Variants in RALYL observed in about 807,000 individuals in gnomAD.
RALYL encodes the protein RALY RNA binding protein like.
Under a neutral mutation model 35.1 loss-of-function variants are expected in RALYL, and 29 were observed. The ratio of observed to expected loss-of-function variants is 0.83; its 90% CI spans 0.61 to 1.13. The LOEUF (loss-of-function observed/expected upper bound fraction) is 1.13. Ranked by LOEUF, RALYL falls within the 50% of genes most tolerant of loss-of-function variation. RALYL has a pLI of 0.00. For synonymous variants in RALYL, 120 were observed against 127.6 expected (o/e 0.94, Z 0.40); for missense variants, 359 against 360.4 (o/e 1.00, Z 0.03).
intron 2 of RALYL, among the ~76,000 whole-genome samples, chr8:84,539,790 C>A (rs1404618043): frequency 1.4e-5 from 2 of 146,460 alleles, no homozygotes; most frequent in African/African-American, 5.0e-5. Flanking sequence ...TTTTTAACTG[C>A]CCTGAAATGT....
At chr8:84,209,846 T>G (rs1419735716) in intron 1 of RALYL, among the ~76,000 whole-genome samples, 1 of 152,194 alleles carries the variant, frequency 6.6e-6, no homozygotes, top group Non-Finnish European at 1.5e-5. Context: ...CATGTGTGGG[T>G]GTGTTCCAAT....
At chr8:84,407,373 A>G (rs1393327450) in intron 1 of RALYL, among the ~76,000 whole-genome samples, 1 of 152,174 alleles carries the variant, frequency 6.6e-6, no homozygotes, top group Non-Finnish European at 1.5e-5. Flanking sequence ...ATTTTGAAAA[A>G]ACTTTTCATT....
At chr8:84,360,463 C>T (rs1852754083) in intron 1 of RALYL, among the ~76,000 whole-genome samples, 1 of 152,134 alleles carries the variant, frequency 6.6e-6, no homozygotes, top group Non-Finnish European at 1.5e-5. Flanking sequence ...GTGAGAAAGA[C>T]ACTGAAAAGT....
chr8:84,372,886 GTTTTTTTTTTTT>G (rs76885544), intron 1 of RALYL, among the ~76,000 whole-genome samples: 446 of 39,088 alleles, frequency 0.011, 6 homozygotes, highest in Admixed American at 0.03. Flanking sequence ...GCCAGCATCT[GTTTTTTTTTTTT>G]TTTTTTTTTT....
In RALYL at chr8:84,185,214, A is replaced by C. The variant is rs1287782582; in HGVS notation, c.-24+790A>C. The C allele has an allele frequency of 7.8e-6, 5 of 640,330 alleles. No individual in the cohort carries two copies. The East Asian group carries it at 1.4e-4, about 18-fold the overall frequency. 39.7% of individuals were successfully genotyped at this position (640,330 alleles called of 1,614,324 possible). A position where few individuals can be genotyped will look rare whatever the true frequency, so the allele number is the denominator to read the frequency against. On this transcript the variant is annotated intron_variant, in intron 1 of 8. Transcript: ENST00000521268. The stretch of plus-strand genomic sequence containing the variant: ...GAGGACGACGCTGTTAGTTTGCAGT[A>C]ATGACCCTACACCTCTAAGGTATTA...
In RALYL at chr8:84,277,819, G is replaced by A. The variant is rs1183379571; in HGVS notation, c.-24+93395G>A. ...ACATCTAGGGCATGCTGATGCAAGA[G>A]GTGCATTCCCACAGCATTGGGCAGC... On this transcript the variant is annotated intron_variant, in intron 1 of 8. Transcript: ENST00000521268. Among the ~76,000 whole-genome samples the A allele has an allele frequency of 2.0e-5, 3 of 152,220 alleles. 1 individual carries two copies. In the South Asian group the frequency reaches 6.2e-4, roughly 31 times the overall value.
chr8:84,462,256 C>G (rs1013476466), intron 1 of RALYL, among the ~76,000 whole-genome samples: 51 of 150,740 alleles, frequency 3.4e-4, no homozygotes, highest in African/African-American at 1.2e-3. Flanking sequence ...ATGAGATGTT[C>G]TTCAGATATT....
At chr8:84,849,477 G>A (rs7814417) in intron 4 of RALYL, among the ~76,000 whole-genome samples, 139,773 of 152,216 alleles carry the variant, frequency 0.92, 64,307 homozygotes, top group African/African-American at 0.98. Context: ...TTACCTCAGA[G>A]AGAAGGGACA....
chr8:84,667,041 C>T (rs1209905946), intron 2 of RALYL, among the ~76,000 whole-genome samples: 2 of 152,022 alleles, frequency 1.3e-5, no homozygotes, highest in Admixed American at 6.6e-5. Context: ...AAGTGTGAAA[C>T]CTGGACATGG....
intron 6 of RALYL, among the ~76,000 whole-genome samples, chr8:84,868,864 A>C (rs1487449476): frequency 6.6e-6 from 1 of 152,122 alleles, no homozygotes; most frequent in African/African-American, 2.4e-5. Flanking sequence ...AATACTTTAA[A>C]GTTTGACTTT....
intron 1 of RALYL, among the ~76,000 whole-genome samples, chr8:84,482,947 G>A (rs978759802): frequency 1.3e-5 from 2 of 152,060 alleles, no homozygotes; most frequent in Non-Finnish European, 2.9e-5. Context: ...TGCCTAGATT[G>A]TTAGATACAG....
upstream of RALYL, chr8:84,182,854 G>GAAAC (rs530912044): frequency 1.1e-3 from 169 of 153,034 alleles, no homozygotes; most frequent in East Asian, 7.7e-3. Context: ...GAAAATCAGG[G>GAAAC]AAACAAACAA....
chr8:84,419,956 T>G (rs1239927992), intron 1 of RALYL, among the ~76,000 whole-genome samples: 1 of 151,174 alleles, frequency 6.6e-6, no homozygotes, highest in Non-Finnish European at 1.5e-5. Context: ...TGTTGGACAT[T>G]TGGGTTGGTT....
chr8:84,369,428 T>C (rs1244202743), intron 1 of RALYL, among the ~76,000 whole-genome samples: 1 of 152,096 alleles, frequency 6.6e-6, no homozygotes, highest in Non-Finnish European at 1.5e-5. Flanking sequence ...ACTGAAAGTC[T>C]TGGTTCTGCA....
chr8:84,409,000 G>A (rs2043837835), intron 1 of RALYL, among the ~76,000 whole-genome samples: 1 of 151,820 alleles, frequency 6.6e-6, no homozygotes, highest in Admixed American at 6.6e-5. Context: ...ATTAACTTTA[G>A]TCATCCTGAT....
chr8:84,918,111 A>G (rs1848760637), intron 8 of RALYL, among the ~76,000 whole-genome samples: 1 of 151,994 alleles, frequency 6.6e-6, no homozygotes, highest in African/African-American at 2.4e-5. Flanking sequence ...GCATTTATAT[A>G]TGCTCCCTAA....
At chr8:84,734,688 T>C (rs1037483281) in intron 2 of RALYL, among the ~76,000 whole-genome samples, 1 of 152,100 alleles carries the variant, frequency 6.6e-6, no homozygotes, top group African/African-American at 2.4e-5. Context: ...TGCATCTTGG[T>C]TGTTCTAACT....
chr8:84,815,983 G>A lies in RALYL; in HGVS notation c.365+11181G>A, dbSNP rs188765070. Among the ~76,000 whole-genome samples the A allele has an allele frequency of 4.9e-3, 719 of 146,240 alleles. 6 individuals are homozygous for A. Among genetic ancestry groups the A allele is most frequent in the African/African-American group, 0.017 (655 of 39,472 alleles). On this transcript the variant is annotated intron_variant, in intron 4 of 8. Coordinates refer to ENST00000521268, the MANE Select transcript of RALYL (RefSeq NM_173848.7). ...GGGGAGTCAGAGGTTGCAGTGAGCCGGGATCATGCCACTGCACTCCAGCCT... is the reference window on the plus strand; with the variant it reads ...GGGGAGTCAGAGGTTGCAGTGAGCCAGGATCATGCCACTGCACTCCAGCCT...
At chr8:84,301,876 A>T (rs978024475) in intron 1 of RALYL, among the ~76,000 whole-genome samples, 2 of 152,096 alleles carry the variant, frequency 1.3e-5, no homozygotes, top group Non-Finnish European at 2.9e-5. Flanking sequence ...TATATAACTT[A>T]TATCTAATGA....
Sources: allele counts gnomAD v4.1 joint callset (sites outside exome capture counted in the v4.1 genomes callset), GRCh38; gene constraint gnomAD v4.1.1; transcripts MANE v1.5; gene names NCBI Gene and HGNC (gene_info 2026-07-23, HGNC 2026-07-21).